The following GCA variants were observed in gnomAD, a reference collection of about 807,000 sequenced individuals.
GCA encodes the protein grancalcin.
GCA carries 30 observed loss-of-function variants against 32.6 expected under a neutral mutation model. The ratio of observed to expected loss-of-function variants is 0.92; its 90% CI spans 0.69 to 1.25. The LOEUF (loss-of-function observed/expected upper bound fraction) is 1.25, where lower values mean the gene tolerates loss of function less well. Ranked by LOEUF, GCA falls within the 50% of genes most tolerant of loss-of-function variation. GCA has a pLI of 0.00. For missense variants in GCA, 291 were observed against 266.8 expected, an observed-to-expected ratio of 1.09 and a Z score of -0.63; for synonymous variants, 102 against 84.6, an observed-to-expected ratio of 1.21 and a Z score of -1.13.
downstream of GCA, among the ~76,000 whole-genome samples, chr2:162,365,317 T>C (rs1217356707): frequency 6.6e-6 from 1 of 151,612 alleles, no homozygotes; most frequent in East Asian, 1.9e-4. Context: ...AACCATTTTT[T>C]ACATGAAATG....
intron 1 of GCA, among the ~76,000 whole-genome samples, chr2:162,336,455 T>TA (rs1684273900): frequency 6.6e-6 from 1 of 152,190 alleles, no homozygotes; most frequent in African/African-American, 2.4e-5. Context: ...TTGATATCAG[T>TA]AACAACCATT....
chr2:162,354,935 C>A (rs528639334), intron 3 of GCA, among the ~76,000 whole-genome samples: 1 of 152,276 alleles, frequency 6.6e-6, no homozygotes, highest in African/African-American at 2.4e-5. Flanking sequence ...CATACACATT[C>A]CTATTCTGAG....
intron 6 of GCA, 24 bp downstream of exon 6, chr2:162,359,181 G>A (rs766226168): frequency 7.9e-7 from 1 of 1,266,046 alleles, no homozygotes; most frequent in Non-Finnish European, 1.2e-6. Flanking sequence ...AAAACTAAGT[G>A]CACAGTGTTA....
intron 3 of GCA, among the ~76,000 whole-genome samples, chr2:162,354,739 A>G (rs1685177558): frequency 1.3e-5 from 2 of 152,288 alleles, no homozygotes; most frequent in African/African-American, 2.4e-5. Flanking sequence ...ACTCACATCC[A>G]TCAGCTCTTC....
chr2:162,374,977 TCCA>T (rs1482034334), downstream of GCA, among the ~76,000 whole-genome samples: 2 of 152,188 alleles, frequency 1.3e-5, no homozygotes, highest in Non-Finnish European at 1.5e-5. Context: ...TTTTTATGCT[TCCA>T]ACTAAACTAA....
intron 5 of GCA, among the ~76,000 whole-genome samples, chr2:162,357,990 AT>A (rs1685372269): frequency 6.6e-6 from 1 of 151,670 alleles, no homozygotes; most frequent in Admixed American, 6.6e-5. Context: ...TTCAAAATAT[AT>A]TTGCATATAA....
downstream of GCA, chr2:162,371,758 A>T: frequency 1.4e-6 from 2 of 1,396,418 alleles, no homozygotes; most frequent in East Asian, 4.7e-5. Context: ...AGTAGAGAGG[A>T]TTTAAATAGA....
chr2:162,344,098 AG>A, upstream of GCA: 4 of 756,782 alleles, frequency 5.3e-6, no homozygotes, highest in Non-Finnish European at 6.8e-6. Flanking sequence ...GGCCTGCGGA[AG>A]GGGGCGGGTT....
At chr2:162,359,382 C>A in intron 6 of GCA, 112 bp from the exon 7 acceptor site, 3 of 593,834 alleles carry the variant, frequency 5.1e-6, no homozygotes, top group Non-Finnish European at 8.9e-6. Context: ...GCTATTCAAT[C>A]ACTTAATATT....
chr2:162,345,753 G>A (rs76691382), intron 1 of GCA, among the ~76,000 whole-genome samples: 6,862 of 152,206 alleles, frequency 0.045, 533 homozygotes, highest in African/African-American at 0.16. Context: ...TTTAAAAAAT[G>A]TAATTGAAAT....
At chr2:162,346,599 A>C (rs1004844178) in intron 1 of GCA, 2 of 152,212 alleles carry the variant, frequency 1.3e-5, no homozygotes, top group African/African-American at 4.8e-5. Context: ...CTGCCAAGCT[A>C]TGAAAAAGTG....
chr2:162,360,466 T>G lies in GCA; in HGVS notation c.*223T>G. ...TTGGAAAAGTTATTTTATAAATATGTGCATATTGTCATAAAATATTGTATG... is the reference window on the plus strand; with the variant it reads ...TTGGAAAAGTTATTTTATAAATATGGGCATATTGTCATAAAATATTGTATG... On this transcript the variant is annotated 3_prime_UTR_variant, in exon 8 of 8. Coordinates refer to ENST00000437150, the MANE Select transcript of GCA (RefSeq NM_012198.5). 1 of 1,016,290 alleles carries G rather than the reference T, an allele frequency of 9.8e-7. No individual in the cohort carries two copies. Among genetic ancestry groups the G allele is most frequent in the Non-Finnish European group, 1.3e-6 (1 of 763,624 alleles). 63.0% of individuals were successfully genotyped at this position (1,016,290 alleles called of 1,614,324 possible). A position where few individuals can be genotyped will look rare whatever the true frequency, so the allele number is the denominator to read the frequency against.
chr2:162,350,900 C>A (rs1448377780), intron 2 of GCA, among the ~76,000 whole-genome samples: 1 of 152,072 alleles, frequency 6.6e-6, no homozygotes, highest in Non-Finnish European at 1.5e-5. Flanking sequence ...AATATTTAGA[C>A]TGTATTTTTT....
intron 1 of GCA, among the ~76,000 whole-genome samples, chr2:162,334,252 G>A (rs1410467940): frequency 6.6e-6 from 1 of 151,810 alleles, no homozygotes; most frequent in Non-Finnish European, 1.5e-5. Flanking sequence ...TTGTAACTAT[G>A]TACAATTATA....
intron 6 of GCA, 163 bp from the exon 7 acceptor site, chr2:162,359,331 A>G (rs1685452129): frequency 1.7e-6 from 1 of 596,798 alleles, no homozygotes; most frequent in South Asian, 2.3e-5. Flanking sequence ...TAAAAACGTT[A>G]TGTTATTTTT....
chr2:162,344,087 T>G, upstream of GCA: 1 of 707,206 alleles, frequency 1.4e-6, no homozygotes, highest in Non-Finnish European at 2.5e-6. Context: ...AGGGCGGGGC[T>G]GGCCTGCGGA....
chr2:162,370,468 C>CTT (rs2105376786), intron 4 of GCA, among the ~76,000 whole-genome samples: 1 of 152,190 alleles, frequency 6.6e-6, no homozygotes, highest in South Asian at 2.1e-4. Context: ...CACAAAAAAT[C>CTT]TAACAGTTGA....
intron 1 of GCA, among the ~76,000 whole-genome samples, chr2:162,339,073 T>C (rs548663104): frequency 2.1e-4 from 32 of 152,348 alleles, no homozygotes; most frequent in African/African-American, 7.7e-4. Context: ...AAAGGTCAGT[T>C]TGCCAAGTGG....
At chr2:162,365,322 G>A (rs2105366761), downstream of GCA, among the ~76,000 whole-genome samples, 2 of 151,414 alleles carry the variant, frequency 1.3e-5, no homozygotes, top group Middle Eastern at 3.4e-3. Context: ...TTTTTTACAT[G>A]AAATGTACAT....
Sources: allele counts gnomAD v4.1 joint callset (sites outside exome capture counted in the v4.1 genomes callset), GRCh38; gene constraint gnomAD v4.1.1; transcripts MANE v1.5; gene names NCBI Gene and HGNC (gene_info 2026-07-23, HGNC 2026-07-21).